NOL4: variants seen among roughly 807,000 people sequenced by gnomAD.
NOL4 encodes nucleolar protein 4.
In NOL4, 17 loss-of-function variants were observed where a neutral mutation model predicts 75.9. That is an observed-to-expected ratio of 0.22 (90% confidence interval 0.15 to 0.34). The LOEUF (loss-of-function observed/expected upper bound fraction) is 0.34, where lower values mean the gene tolerates loss of function less well. Among genes scored for constraint, NOL4 ranks in the 10% least tolerant of loss-of-function variants. The pLI is 1.00. For synonymous variants in NOL4, 292 were observed against 289.9 expected (o/e 1.01, Z -0.07); for missense variants, 614 against 793.5 (o/e 0.77, Z 2.72).
intron 4 of NOL4, among the ~76,000 whole-genome samples, chr18:34,095,252 T>C (rs1235958651): frequency 2.9e-5 from 1 of 34,354 alleles, no homozygotes; most frequent in Admixed American, 3.5e-4. Flanking sequence ...CTAATGTGTA[T>C]GTGTGTGTGT....
chr18:34,014,014 AACAAAG>A (rs199855869), intron 6 of NOL4, among the ~76,000 whole-genome samples: 267 of 152,156 alleles, frequency 1.8e-3, no homozygotes, highest in African/African-American at 6.4e-3. Flanking sequence ...ATATCCATAT[AACAAAG>A]ACAAAGATAA....
chr18:34,152,135 C>T (rs1308462909), intron 1 of NOL4, among the ~76,000 whole-genome samples: 2 of 151,428 alleles, frequency 1.3e-5, no homozygotes, highest in Non-Finnish European at 3.0e-5. Flanking sequence ...GGAAATGAAA[C>T]ATTAACTTAT....
chr18:34,129,433 A>T (rs142060951), intron 2 of NOL4, among the ~76,000 whole-genome samples: 17 of 151,908 alleles, frequency 1.1e-4, no homozygotes, highest in African/African-American at 4.1e-4. Context: ...ATTCCTCATG[A>T]CTTTATTATT....
intron 6 of NOL4, among the ~76,000 whole-genome samples, chr18:34,003,545 GA>G (rs2073859117): frequency 6.6e-6 from 1 of 152,018 alleles, no homozygotes. Flanking sequence ...CCTGCTGCTG[GA>G]AATCTTTTTC....
At chr18:34,138,514 A>G (rs1296491514) in intron 1 of NOL4, among the ~76,000 whole-genome samples, 1 of 152,216 alleles carries the variant, frequency 6.6e-6, no homozygotes, top group East Asian at 1.9e-4. Flanking sequence ...TAGGAGGGAC[A>G]AAATGTTCCA....
intron 10 of NOL4, among the ~76,000 whole-genome samples, chr18:33,880,550 C>T (rs1205164322): frequency 1.3e-5 from 2 of 152,046 alleles, no homozygotes; most frequent in Non-Finnish European, 2.9e-5. Flanking sequence ...TCAGTACAGG[C>T]TTGATCCAGT....
chr18:33,931,168 T>C (rs1362262273), intron 9 of NOL4, among the ~76,000 whole-genome samples: 1 of 152,002 alleles, frequency 6.6e-6, no homozygotes, highest in Non-Finnish European at 1.5e-5. Flanking sequence ...CTCTTAAAAG[T>C]GGAAATAACA....
At chr18:33,895,256 G>A (rs1318176143) in intron 9 of NOL4, among the ~76,000 whole-genome samples, 1 of 151,978 alleles carries the variant, frequency 6.6e-6, no homozygotes, top group African/African-American at 2.4e-5. Flanking sequence ...TGACTAGCAA[G>A]AAGTAACTAG....
intron 1 of NOL4, among the ~76,000 whole-genome samples, chr18:34,140,581 A>C (rs1054658218): frequency 5.3e-5 from 8 of 152,124 alleles, no homozygotes; most frequent in Admixed American, 1.3e-4. Context: ...GTCTCTGCAC[A>C]TGAGATGGGT....
chr18:34,190,877 T>G (rs967373290), intron 1 of NOL4, among the ~76,000 whole-genome samples: 9 of 152,164 alleles, frequency 5.9e-5, no homozygotes, highest in Middle Eastern at 3.4e-3. Context: ...ATCAACAGCA[T>G]TTTATACATA....
At chr18:34,157,369 G>C (rs1251484755) in intron 1 of NOL4, among the ~76,000 whole-genome samples, 2 of 152,118 alleles carry the variant, frequency 1.3e-5, no homozygotes, top group African/African-American at 2.4e-5. Flanking sequence ...GGGGCATAGG[G>C]TCATTAACTG....
At chr18:33,968,669 T>C (rs1384829551) in intron 6 of NOL4, among the ~76,000 whole-genome samples, 3 of 152,116 alleles carry the variant, frequency 2.0e-5, no homozygotes, top group African/African-American at 7.2e-5. Flanking sequence ...AAACTACCTA[T>C]TGGGTACTAT....
At chr18:34,122,415 GC>G (rs1160880105) in intron 2 of NOL4, among the ~76,000 whole-genome samples, 1 of 151,840 alleles carries the variant, frequency 6.6e-6, no homozygotes, top group Non-Finnish European at 1.5e-5. Context: ...AAAGAAGTAA[GC>G]TTTTCATTAC....
chr18:33,857,122 C>T (rs2062872444), intron 10 of NOL4, among the ~76,000 whole-genome samples: 2 of 151,914 alleles, frequency 1.3e-5, no homozygotes, highest in Admixed American at 1.3e-4. Context: ...CTGATAGTTA[C>T]CTTTTATTAG....
chr18:33,993,408 G>A (rs2073062024), intron 6 of NOL4, among the ~76,000 whole-genome samples: 1 of 151,800 alleles, frequency 6.6e-6, no homozygotes, highest in Non-Finnish European at 1.5e-5. Context: ...AGTAGAAAGG[G>A]AAAAATAGAC....
At chr18:34,135,677 G>A (rs1219983864) in intron 1 of NOL4, among the ~76,000 whole-genome samples, 22 of 103,544 alleles carry the variant, frequency 2.1e-4, no homozygotes, top group African/African-American at 6.6e-4. Context: ...CAGCCTGGGC[G>A]ACAGAGTGAG....
At chr18:33,912,688 T>C (rs1187298438) in intron 9 of NOL4, among the ~76,000 whole-genome samples, 1 of 152,092 alleles carries the variant, frequency 6.6e-6, no homozygotes, top group Admixed American at 6.6e-5. Context: ...ACAATCAGCA[T>C]AGTTTCTGAC....
chr18:33,909,798 C>T (rs151005152), intron 9 of NOL4, among the ~76,000 whole-genome samples: 11 of 150,488 alleles, frequency 7.3e-5, no homozygotes, highest in African/African-American at 2.2e-4. Context: ...TCCAGGGCTG[C>T]GAAGGAAGGA....
At chr18:33,949,605 C>T (rs895662220) in intron 8 of NOL4, among the ~76,000 whole-genome samples, 17 of 152,100 alleles carry the variant, frequency 1.1e-4, no homozygotes, top group African/African-American at 3.4e-4. Flanking sequence ...AATTGGAGCC[C>T]GTGGATCTAC....
Sources: gnomAD v4.1 joint callset for allele counts (sites outside exome capture counted in the v4.1 genomes callset) on GRCh38, gnomAD v4.1.1 for gene constraint, MANE v1.5 for transcripts, NCBI Gene and HGNC (gene_info 2026-07-23, HGNC 2026-07-21) for gene names.